Variants in GRID2 observed in about 807,000 individuals in gnomAD.
GRID2 encodes the protein glutamate ionotropic receptor delta type subunit 2.
A neutral mutation model predicts 114.8 loss-of-function variants in GRID2; 33 were observed. The observed-to-expected ratio is 0.29, with a 90% CI of 0.22 to 0.38. GRID2 has a LOEUF of 0.38. GRID2 is among the 10% of genes least tolerant of loss of function. GRID2 has a pLI of 1.00. For missense variants in GRID2, 1,184 were observed against 1,257.7 expected (o/e 0.94, Z 0.89); for synonymous variants, 505 against 449.9 (o/e 1.12, Z -1.55).
At chr4:93,638,326 A>T (rs1326921480) in intron 14 of GRID2, among the ~76,000 whole-genome samples, 12 of 27,140 alleles carry the variant, frequency 4.4e-4, no homozygotes, top group South Asian at 6.9e-4. Context: ...TTTTAATTAT[A>T]CTCTAAGTTT....
At chr4:92,623,949 A>G (rs1730397786) in intron 2 of GRID2, among the ~76,000 whole-genome samples, 1 of 151,806 alleles carries the variant, frequency 6.6e-6, no homozygotes. Flanking sequence ...ACACAATGAC[A>G]TAAACATATC....
chr4:92,704,957 CCAGT>C (rs1276313522), intron 2 of GRID2, among the ~76,000 whole-genome samples: 1 of 151,976 alleles, frequency 6.6e-6, no homozygotes, highest in African/African-American at 2.4e-5. Flanking sequence ...AAAATGCTAT[CCAGT>C]TTTTGTAAGC....
intron 1 of GRID2, among the ~76,000 whole-genome samples, chr4:92,524,849 A>G (rs917348962): frequency 1.4e-4 from 21 of 151,974 alleles, no homozygotes; most frequent in African/African-American, 4.3e-4. Context: ...ACAATGGCTG[A>G]TGTTGAGGGT....
intron 13 of GRID2, among the ~76,000 whole-genome samples, chr4:93,542,442 C>T (rs1383804690): frequency 6.6e-6 from 1 of 152,144 alleles, no homozygotes; most frequent in Non-Finnish European, 1.5e-5. Flanking sequence ...AAATAGCCAA[C>T]AATTCTGATC....
At chr4:92,536,380 C>T (rs1725632415) in intron 1 of GRID2, among the ~76,000 whole-genome samples, 1 of 152,114 alleles carries the variant, frequency 6.6e-6, no homozygotes, top group Non-Finnish European at 1.5e-5. Context: ...GAAACGTTCT[C>T]CAAGTCCCCA....
chr4:93,326,761 A>G (rs1757880284), intron 8 of GRID2, among the ~76,000 whole-genome samples: 1 of 152,136 alleles, frequency 6.6e-6, no homozygotes, highest in Non-Finnish European at 1.5e-5. Context: ...GGATTGACCC[A>G]AGGAAGTCAC....
At chr4:93,258,750 G>A (rs1315526269) in intron 8 of GRID2, 3 of 342,156 alleles carry the variant, frequency 8.8e-6, no homozygotes, top group East Asian at 1.5e-4. Flanking sequence ...TGAACCTGAA[G>A]GATTGTCATT....
At chr4:93,482,603 A>G (rs544979233) in intron 11 of GRID2, among the ~76,000 whole-genome samples, 61 of 151,970 alleles carry the variant, frequency 4.0e-4, no homozygotes, top group Admixed American at 1.1e-3. Flanking sequence ...TAAAACCTAA[A>G]TGACGGGTTG....
At chr4:93,131,285 C>T (rs1205471394) in intron 4 of GRID2, among the ~76,000 whole-genome samples, 1 of 150,578 alleles carries the variant, frequency 6.6e-6, no homozygotes, top group Non-Finnish European at 1.5e-5. Flanking sequence ...TTCTGAGTTG[C>T]TGGGACTACA....
At chr4:93,014,783 A>G (rs542133336) in intron 2 of GRID2, among the ~76,000 whole-genome samples, 4 of 152,152 alleles carry the variant, frequency 2.6e-5, no homozygotes, top group Non-Finnish European at 5.9e-5. Flanking sequence ...ACTGCGATAC[A>G]CACACGTGCA....
chr4:92,595,306 T>C (rs1037516594), intron 2 of GRID2, among the ~76,000 whole-genome samples: 22 of 151,926 alleles, frequency 1.4e-4, no homozygotes, highest in Admixed American at 1.3e-3. Context: ...CTTTTTGAAA[T>C]ATAAAAATTT....
Position 92,935,563 on chromosome 4 carries a change from C to T in GRID2, c.245-149432C>T, listed in dbSNP as rs1418543506. Among the ~76,000 whole-genome samples, 2 of 146,868 alleles carry T rather than the reference C, an allele frequency of 1.4e-5. 1 individual carries two copies. On this transcript the variant is annotated intron_variant, in intron 2 of 15. Coordinates refer to ENST00000282020, the MANE Select transcript of GRID2 (RefSeq NM_001510.4). The stretch of plus-strand genomic sequence containing the variant: ...TATACCCAAAGGACTATAAATCATG[C>T]TGCTATAAAAACACACACACACGTA...
chr4:92,879,415 C>T (rs527678005), intron 2 of GRID2, among the ~76,000 whole-genome samples: 75 of 152,142 alleles, frequency 4.9e-4, no homozygotes, highest in Non-Finnish European at 1.8e-4. Flanking sequence ...CATCTAAGCC[C>T]ACAATAAACA....
At chr4:92,747,295 C>T (rs942987892) in intron 2 of GRID2, among the ~76,000 whole-genome samples, 2 of 151,738 alleles carry the variant, frequency 1.3e-5, no homozygotes, top group African/African-American at 4.8e-5. Context: ...TTTATATATG[C>T]TTGAATGCTT....
intron 14 of GRID2, among the ~76,000 whole-genome samples, chr4:93,678,049 T>A (rs1725091697): frequency 6.6e-6 from 1 of 152,060 alleles, no homozygotes. Context: ...GACGAATGGA[T>A]AACTAGACTA....
intron 1 of GRID2, among the ~76,000 whole-genome samples, chr4:92,513,678 C>T (rs1241802323): frequency 6.6e-6 from 1 of 151,798 alleles, no homozygotes; most frequent in African/African-American, 2.4e-5. Context: ...AAACTGTCAG[C>T]ACCATATGGG....
intron 1 of GRID2, among the ~76,000 whole-genome samples, chr4:92,384,015 T>C (rs950504796): frequency 1.3e-5 from 2 of 151,914 alleles, no homozygotes; most frequent in Non-Finnish European, 2.9e-5. Flanking sequence ...AATGGAAATA[T>C]CTTAAGCATT....
In GRID2 at chr4:93,075,972, C is replaced by T. The variant is rs535136838; in HGVS notation, c.245-9023C>T. On this transcript the variant is annotated intron_variant, in intron 2 of 15. Coordinates refer to ENST00000282020, the MANE Select transcript of GRID2 (RefSeq NM_001510.4). ...AGGCTGAAGTGCAGTGGCGCGATCT[C>T]GGCTCACTGCAAGCTCCGCCTCCTG... is the stretch of plus-strand genomic sequence containing the variant. Among the ~76,000 whole-genome samples, 6 of 139,668 alleles carry T rather than the reference C, an allele frequency of 4.3e-5. No individual in the cohort carries two copies. The South Asian group carries it at 1.4e-3, about 33-fold the overall frequency. 91.6% of individuals were successfully genotyped at this position (139,668 alleles called of 152,430 possible).
intron 2 of GRID2, among the ~76,000 whole-genome samples, chr4:92,856,554 T>G (rs1330686773): frequency 2.0e-5 from 3 of 152,174 alleles, no homozygotes; most frequent in Non-Finnish European, 4.4e-5. Context: ...AAAATCATTA[T>G]TGATAATCAG....
Sources: gnomAD v4.1 joint callset for allele counts (sites outside exome capture counted in the v4.1 genomes callset) on GRCh38, gnomAD v4.1.1 for gene constraint, MANE v1.5 for transcripts, NCBI Gene and HGNC (gene_info 2026-07-23, HGNC 2026-07-21) for gene names.